Variants in SATB2 observed in about 807,000 individuals in gnomAD.
The protein encoded by SATB2 is DNA-binding protein SATB2.
SATB2 carries 1 observed loss-of-function variant against 73.4 expected under a neutral mutation model. That is an observed-to-expected ratio of 0.01 (90% CI 0.00 to 0.06). The LOEUF (loss-of-function observed/expected upper bound fraction) is 0.06, where lower values mean the gene tolerates loss of function less well. Among genes scored for constraint, SATB2 ranks in the 10% least tolerant of loss-of-function variants. The pLI is 1.00. For missense variants in SATB2, 459 were observed against 945.8 expected (o/e 0.49, Z 6.75); for synonymous variants, 397 against 367.0 (o/e 1.08, Z -0.93).
intron 9 of SATB2, among the ~76,000 whole-genome samples, chr2:199,310,128 C>T (rs184926074): frequency 6.6e-6 from 1 of 152,324 alleles, no homozygotes; most frequent in African/African-American, 2.4e-5. Context: ...CCTGATCATT[C>T]CATTTTCTCC....
At chr2:199,278,009 T>C (rs1692368541) in intron 10 of SATB2, among the ~76,000 whole-genome samples, 1 of 152,052 alleles carries the variant, frequency 6.6e-6, no homozygotes, top group African/African-American at 2.4e-5. Flanking sequence ...TAGAGAAAAA[T>C]TGAACAAAGT....
At chr2:199,370,572 G>A (rs912569710) in intron 5 of SATB2, among the ~76,000 whole-genome samples, 1 of 151,950 alleles carries the variant, frequency 6.6e-6, no homozygotes, top group Non-Finnish European at 1.5e-5. Context: ...TAACTAAAAC[G>A]AACAGTGTCT....
At chr2:199,437,880 T>C (rs1457720784) in intron 2 of SATB2, among the ~76,000 whole-genome samples, 1 of 152,182 alleles carries the variant, frequency 6.6e-6, no homozygotes, top group East Asian at 1.9e-4. Context: ...ATAAAGATGA[T>C]ACTAATAATT....
chr2:199,293,041 T>C (rs989504427), intron 10 of SATB2, among the ~76,000 whole-genome samples: 5 of 152,162 alleles, frequency 3.3e-5, no homozygotes, highest in Non-Finnish European at 7.4e-5. Context: ...ATTAATCTCA[T>C]TTTCAAAATG....
At chr2:199,388,104 C>G (rs1690014835) in intron 3 of SATB2, among the ~76,000 whole-genome samples, 1 of 152,056 alleles carries the variant, frequency 6.6e-6, no homozygotes, top group South Asian at 2.1e-4. Context: ...TTGATTCAAG[C>G]CTTTAGAAAG....
At chr2:199,299,518 A>G (rs1169267975) in intron 10 of SATB2, among the ~76,000 whole-genome samples, 1 of 152,200 alleles carries the variant, frequency 6.6e-6, no homozygotes, top group African/African-American at 2.4e-5. Context: ...TATGGATTCC[A>G]CTAATTTACA....
chr2:199,347,451 T>C (rs979511020), intron 7 of SATB2: 2 of 152,174 alleles, frequency 1.3e-5, no homozygotes, highest in African/African-American at 4.8e-5. Flanking sequence ...ATAATAATCT[T>C]CTTCTTCATC....
intron 7 of SATB2, among the ~76,000 whole-genome samples, chr2:199,332,676 C>G (rs1688221884): frequency 6.6e-6 from 1 of 152,032 alleles, no homozygotes; most frequent in Non-Finnish European, 1.5e-5. Flanking sequence ...CTTACAGATT[C>G]TGAGTCTGTA....
At chr2:199,348,359 G>C (rs1053496558) in intron 7 of SATB2, 5 of 197,134 alleles carry the variant, frequency 2.5e-5, no homozygotes, top group Non-Finnish European at 5.2e-5. Context: ...AAAATGGCAA[G>C]AGACTGATAA....
At chr2:199,415,198 A>T (rs1459939050) in intron 3 of SATB2, among the ~76,000 whole-genome samples, 1 of 152,222 alleles carries the variant, frequency 6.6e-6, no homozygotes, top group East Asian at 1.9e-4. Context: ...CACATACTTC[A>T]CATATGTGTG....
chr2:199,344,253 A>T (rs1219607919), intron 7 of SATB2, among the ~76,000 whole-genome samples: 1 of 152,138 alleles, frequency 6.6e-6, no homozygotes, highest in Non-Finnish European at 1.5e-5. Context: ...ACACACACAC[A>T]CAACACACAC....
chr2:199,466,953 G>A (rs1351598413), upstream of SATB2, among the ~76,000 whole-genome samples: 3 of 152,248 alleles, frequency 2.0e-5, no homozygotes, highest in Non-Finnish European at 2.9e-5. Context: ...GTTATGCGCC[G>A]TGAACTCTTT....
chr2:199,368,428 A>G (rs1280471090), intron 6 of SATB2, among the ~76,000 whole-genome samples, 177 bp downstream of exon 6: 1 of 152,272 alleles, frequency 6.6e-6, no homozygotes, highest in East Asian at 1.9e-4. Flanking sequence ...TTTACTTCAA[A>G]TATCTTCTTA....
intron 9 of SATB2, among the ~76,000 whole-genome samples, chr2:199,309,956 C>A (rs1687549627): frequency 6.6e-6 from 1 of 152,072 alleles, no homozygotes; most frequent in Admixed American, 6.6e-5. Flanking sequence ...TTATAAAAAC[C>A]CCATATAATA....
At chr2:199,345,319 A>T (rs992049343) in intron 7 of SATB2, among the ~76,000 whole-genome samples, 1 of 152,088 alleles carries the variant, frequency 6.6e-6, no homozygotes, top group African/African-American at 2.4e-5. Context: ...CATGTGCACA[A>T]CGTGCAGGTT....
intron 3 of SATB2, among the ~76,000 whole-genome samples, chr2:199,404,890 G>A (rs935442252): frequency 5.9e-5 from 9 of 152,230 alleles, no homozygotes; most frequent in Admixed American, 1.3e-4. Context: ...TCCCAGAAGC[G>A]CAAATCTCCA....
chr2:199,291,673 G>C (rs950265239), intron 10 of SATB2, among the ~76,000 whole-genome samples: 3 of 152,118 alleles, frequency 2.0e-5, no homozygotes, highest in African/African-American at 7.2e-5. Context: ...AGCACTTTGG[G>C]AGGCCGAGGC....
chr2:199,379,055 G>A (rs1689688400), intron 5 of SATB2, among the ~76,000 whole-genome samples: 1 of 152,116 alleles, frequency 6.6e-6, no homozygotes, highest in South Asian at 2.1e-4. Flanking sequence ...TAAATCATGT[G>A]TAGCAGCTCA....
Position 199,463,892 on chromosome 2 carries a change from T to C in SATB2, c.-141+944A>G, listed in dbSNP as rs1692535770. Among the ~76,000 whole-genome samples, 1 of 152,076 alleles carries C rather than the reference T, an allele frequency of 6.6e-6. No homozygotes were observed. ...CCACCCCTCGTAGGGGCAGGCAAGC[T>C]CAGGCAGCCGGGTGCAAGGGGGCCC... On this transcript the variant is annotated intron_variant, in intron 1 of 11. Coordinates refer to the SATB2 transcript ENST00000260926. The surrounding 1 kb of genome is among the most constrained non-coding windows in gnomAD (Gnocchi z 6.4).
Sources: allele counts gnomAD v4.1 joint callset (sites outside exome capture counted in the v4.1 genomes callset), GRCh38; gene constraint gnomAD v4.1.1; non-coding constraint Gnocchi (gnomAD v3.1); transcripts MANE v1.5; gene names NCBI Gene and HGNC (gene_info 2026-07-23, HGNC 2026-07-21).